Variants in SUGCT observed in about 807,000 individuals in gnomAD.
SUGCT encodes succinyl-CoA:glutarate-CoA transferase.
A neutral mutation model predicts 55.0 loss-of-function variants in SUGCT; 41 were observed. That is an observed-to-expected ratio of 0.74 (90% CI 0.58 to 0.97). SUGCT has a LOEUF of 0.97. Among genes scored for constraint, SUGCT ranks in the 50% least tolerant of loss-of-function variants. The pLI is 0.00. For synonymous variants in SUGCT, 187 were observed against 200.4 expected (o/e 0.93, Z 0.56); for missense variants, 568 against 547.8 (o/e 1.04, Z -0.37).
intron 13 of SUGCT, among the ~76,000 whole-genome samples, chr7:40,833,367 T>C (rs1444983636): frequency 1.3e-5 from 2 of 152,204 alleles, no homozygotes; most frequent in African/African-American, 4.8e-5. Context: ...TGATGTAAAG[T>C]TCCTTACGTG....
intron 1 of SUGCT, among the ~76,000 whole-genome samples, chr7:40,174,279 T>C (rs1784819815): frequency 6.6e-6 from 1 of 152,102 alleles, no homozygotes; most frequent in Non-Finnish European, 1.5e-5. Context: ...CACCTCGGCC[T>C]CCCAGAGTGC....
chr7:40,552,451 C>T (rs1051750921), intron 12 of SUGCT, among the ~76,000 whole-genome samples: 2 of 152,046 alleles, frequency 1.3e-5, no homozygotes, highest in African/African-American at 4.8e-5. Flanking sequence ...CTGGGCTCAC[C>T]CTACTAATAG....
At chr7:40,600,102 T>G (rs1223325005) in intron 12 of SUGCT, among the ~76,000 whole-genome samples, 3 of 152,200 alleles carry the variant, frequency 2.0e-5, no homozygotes, top group Non-Finnish European at 4.4e-5. Flanking sequence ...ATACCTGAAG[T>G]TGAAAGCAGT....
At chr7:40,889,870 G>A in the SUGCT span, among the ~76,000 whole-genome samples, 1 of 152,058 alleles carries the variant, frequency 6.6e-6, no homozygotes, top group Non-Finnish European at 1.5e-5. Context: ...ATATAAAATA[G>A]TCCCACAACT....
At chr7:40,567,027 A>G (rs917090363) in intron 12 of SUGCT, among the ~76,000 whole-genome samples, 2 of 152,230 alleles carry the variant, frequency 1.3e-5, no homozygotes, top group Non-Finnish European at 2.9e-5. Flanking sequence ...AGCCACATCT[A>G]AAAAGGTCAC....
rs137852861 is a variant in SUGCT, at chr7:40,237,664, C to T, written c.514C>T (p.Arg172Ter). 2.4e-5 allele frequency: 39 copies of T among 1,613,696 alleles called. No individual in the cohort carries two copies. Among genetic ancestry groups the T allele is most frequent in the Non-Finnish European group, 2.9e-5 (34 of 1,179,856 alleles). Residue 172 changes from arginine (R) to a stop codon, truncating the protein, a stop_gained, in exon 7 of 14, where the codon CGA (arginine) becomes TGA (stop). Transcript: ENST00000335693. LOFTEE classifies it high-confidence loss of function. ...GYGQTGPISQ[R>*]AGYDAVASAV... The stretch of plus-strand genomic sequence containing the variant: ...TGGTCAGACAGGTCCAATTTCTCAG[C>T]GAGCTGGTTATGATGCTGTTGCCTC...
intron 8 of SUGCT, among the ~76,000 whole-genome samples, chr7:40,280,863 C>T (rs189039731): frequency 2.0e-5 from 3 of 152,098 alleles, no homozygotes; most frequent in Admixed American, 1.3e-4. Flanking sequence ...TTGATGAGTA[C>T]CCGTATTGTT....
At chr7:40,148,334 G>A (rs758708077) in intron 1 of SUGCT, among the ~76,000 whole-genome samples, 7 of 152,128 alleles carry the variant, frequency 4.6e-5, no homozygotes, top group Non-Finnish European at 1.0e-4. Flanking sequence ...AAATATGAAT[G>A]GACTGTCAGT....
At chr7:40,242,674 A>G (rs1789488206) in intron 7 of SUGCT, among the ~76,000 whole-genome samples, 1 of 151,688 alleles carries the variant, frequency 6.6e-6, no homozygotes, top group African/African-American at 2.4e-5. Flanking sequence ...GTTACGATGT[A>G]GTAAATAGTC....
At chr7:40,463,026 T>C (rs916814874) in intron 11 of SUGCT, among the ~76,000 whole-genome samples, 1 of 152,206 alleles carries the variant, frequency 6.6e-6, no homozygotes, top group African/African-American at 2.4e-5. Flanking sequence ...GCCATTTCCA[T>C]AGTAAAAACA....
the SUGCT span, among the ~76,000 whole-genome samples, chr7:40,904,559 G>T: frequency 0.015 from 2,360 of 152,300 alleles, 32 homozygotes; most frequent in Non-Finnish European, 0.025. Context: ...GAGGAATGGG[G>T]AGTTGGTGTT....
intron 12 of SUGCT, among the ~76,000 whole-genome samples, chr7:40,540,273 A>G (rs1794601414): frequency 6.6e-6 from 1 of 152,366 alleles, no homozygotes; most frequent in South Asian, 2.1e-4. Context: ...ATCATTTACC[A>G]AGTACTTTAT....
chr7:40,470,634 A>T (rs1266722238), intron 11 of SUGCT, among the ~76,000 whole-genome samples: 1 of 151,964 alleles, frequency 6.6e-6, no homozygotes. Flanking sequence ...CTATCTTCTG[A>T]TTATCAATGT....
At chr7:40,727,929 G>A (rs914322104) in intron 12 of SUGCT, among the ~76,000 whole-genome samples, 2 of 152,006 alleles carry the variant, frequency 1.3e-5, no homozygotes, top group African/African-American at 2.4e-5. Context: ...TTTCCTCACT[G>A]TTCTAGCATA....
chr7:41,006,290 C>T, the SUGCT span, among the ~76,000 whole-genome samples: 1 of 152,172 alleles, frequency 6.6e-6, no homozygotes, highest in Non-Finnish European at 1.5e-5. Flanking sequence ...ACCTCATTTC[C>T]TCTTTCATTA....
chr7:40,844,834 T>C (rs1221456650), intron 13 of SUGCT, among the ~76,000 whole-genome samples: 1 of 152,178 alleles, frequency 6.6e-6, no homozygotes, highest in East Asian at 1.9e-4. Context: ...TAAAAAGTGA[T>C]TGGATTTTGT....
chr7:40,376,832 A>G (rs1321521124), intron 9 of SUGCT, among the ~76,000 whole-genome samples: 2 of 151,232 alleles, frequency 1.3e-5, no homozygotes, highest in East Asian at 3.9e-4. Flanking sequence ...CCATTCTTTT[A>G]GAACAGGTCT....
chr7:40,964,275 C>T, the SUGCT span, among the ~76,000 whole-genome samples: 881 of 152,118 alleles, frequency 5.8e-3, 12 homozygotes, highest in African/African-American at 0.019. Flanking sequence ...CCACTTATAT[C>T]AAAGAGAGAG....
At chr7:40,475,454 T>A (rs1790612654) in intron 11 of SUGCT, among the ~76,000 whole-genome samples, 2 of 152,188 alleles carry the variant, frequency 1.3e-5, no homozygotes, top group African/African-American at 4.8e-5. Flanking sequence ...CAGGAATACT[T>A]TGTCCATAGT....
Sources: allele counts gnomAD v4.1 joint callset (sites outside exome capture counted in the v4.1 genomes callset), GRCh38; gene constraint gnomAD v4.1.1; transcripts MANE v1.5; gene names NCBI Gene and HGNC (gene_info 2026-07-23, HGNC 2026-07-21).